Variants in RGS8 observed in about 807,000 individuals in gnomAD.
RGS8 encodes the protein regulator of G-protein signaling 8.
Under a neutral mutation model 21.7 loss-of-function variants are expected in RGS8, and 8 were observed. That is an observed-to-expected ratio of 0.37 (90% CI 0.22 to 0.66). The LOEUF is 0.66. Ranked by LOEUF, RGS8 falls within the 30% of genes least tolerant of loss-of-function variation. RGS8 has a pLI of 0.59. For synonymous variants in RGS8, 80 were observed against 83.6 expected (o/e 0.96, Z 0.24); for missense variants, 157 against 217.9 (o/e 0.72, Z 1.76).
chr1:182,684,922 TG>T (rs1216631819), upstream of RGS8, among the ~76,000 whole-genome samples: 4 of 152,240 alleles, frequency 2.6e-5, no homozygotes, highest in African/African-American at 9.6e-5. This position sits in a 1 kb window ranked among gnomAD's most constrained non-coding sequence, Gnocchi z 4.2. Flanking sequence ...AAGGTGAAAG[TG>T]GTTGCTTTAT....
At chr1:182,656,757 A>G (rs1015294954) in intron 5 of RGS8, among the ~76,000 whole-genome samples, 1 of 152,170 alleles carries the variant, frequency 6.6e-6, no homozygotes, top group Non-Finnish European at 1.5e-5. Flanking sequence ...GCCCTCCCTC[A>G]TGGGCCCTTC....
chr1:182,702,637 G>C, the RGS8 span, among the ~76,000 whole-genome samples: 1 of 152,144 alleles, frequency 6.6e-6, no homozygotes, highest in African/African-American at 2.4e-5. Context: ...AGATCCAATC[G>C]TAAGTAAAAT....
the RGS8 span, among the ~76,000 whole-genome samples, chr1:182,722,835 G>C: frequency 6.6e-6 from 1 of 151,890 alleles, no homozygotes; most frequent in African/African-American, 2.4e-5. Flanking sequence ...AAAATTAGCC[G>C]GGCTTGGTTG....
At chr1:182,664,096 A>C (rs916233354) in intron 5 of RGS8, among the ~76,000 whole-genome samples, 1 of 152,238 alleles carries the variant, frequency 6.6e-6, no homozygotes. Context: ...TCAGACAAAT[A>C]AAATTAAACC....
chr1:182,711,877 TC>T, the RGS8 span, among the ~76,000 whole-genome samples: 2 of 152,310 alleles, frequency 1.3e-5, no homozygotes, highest in South Asian at 4.1e-4. Flanking sequence ...TCCTTTGCTT[TC>T]CACCATCCTA....
intron 5 of RGS8, among the ~76,000 whole-genome samples, chr1:182,656,387 G>T (rs1663279574): frequency 6.6e-6 from 1 of 152,160 alleles, no homozygotes; most frequent in South Asian, 2.1e-4. Flanking sequence ...GACACCTGCT[G>T]TCGCCTTCTC....
the RGS8 span, among the ~76,000 whole-genome samples, chr1:182,698,938 T>C: frequency 1.3e-5 from 2 of 152,224 alleles, no homozygotes; most frequent in African/African-American, 4.8e-5. Flanking sequence ...TGGAGTTACA[T>C]ATATTCAGCA....
At chr1:182,649,686 C>A (rs1662901834) in intron 5 of RGS8, among the ~76,000 whole-genome samples, 1 of 151,870 alleles carries the variant, frequency 6.6e-6, no homozygotes, top group Non-Finnish European at 1.5e-5. Flanking sequence ...GCTTATGCAT[C>A]CAGTTAATGT....
chr1:182,672,873 G>T (rs753543899), upstream of RGS8: 10 of 1,613,208 alleles, frequency 6.2e-6, no homozygotes, highest in Non-Finnish European at 7.6e-6. Context: ...CTCTCTTCCT[G>T]CTTGCCCTAG....
chr1:182,742,131 T>C, the RGS8 span, among the ~76,000 whole-genome samples: 3 of 145,144 alleles, frequency 2.1e-5, no homozygotes, highest in African/African-American at 2.6e-5. Context: ...TCCCCACATC[T>C]CAGACGATGG....
intron 1 of RGS8, 98 bp from the exon 3 acceptor site, chr1:182,671,828 A>C: frequency 1.9e-6 from 3 of 1,594,942 alleles, no homozygotes; most frequent in Non-Finnish European, 2.6e-6. Flanking sequence ...ACATATACAC[A>C]CACAGGCATG....
chr1:182,741,386 G>T, the RGS8 span, among the ~76,000 whole-genome samples: 8 of 134,116 alleles, frequency 6.0e-5, no homozygotes, highest in Admixed American at 4.2e-4. Context: ...CCTCCCGGAC[G>T]GGGCGGCTGG....
chr1:182,752,246 G>A, the RGS8 span, among the ~76,000 whole-genome samples: 1 of 152,140 alleles, frequency 6.6e-6, no homozygotes, highest in African/African-American at 2.4e-5. Flanking sequence ...ATTCCTGAGG[G>A]GTTACCTTAC....
At chr1:182,708,948 G>T in the RGS8 span, among the ~76,000 whole-genome samples, 1 of 152,196 alleles carries the variant, frequency 6.6e-6, no homozygotes, top group Non-Finnish European at 1.5e-5. Context: ...GATGACCTGT[G>T]CGGCCTGCCA....
At chr1:182,731,255 A>G in the RGS8 span, among the ~76,000 whole-genome samples, 1 of 152,134 alleles carries the variant, frequency 6.6e-6, no homozygotes. Context: ...GCCCTCACAA[A>G]CTTAGCTATG....
At chr1:182,651,923 T>A (rs1231073247) in intron 5 of RGS8, among the ~76,000 whole-genome samples, 1 of 152,236 alleles carries the variant, frequency 6.6e-6, no homozygotes, top group African/African-American at 2.4e-5. Flanking sequence ...GGGGGGACTC[T>A]GAGCAGTGAC....
At chr1:182,697,109 A>T in the RGS8 span, among the ~76,000 whole-genome samples, 1 of 152,234 alleles carries the variant, frequency 6.6e-6, no homozygotes, top group Non-Finnish European at 1.5e-5. Flanking sequence ...TTTACTGGCC[A>T]ACCCAAGCCA....
the RGS8 span, among the ~76,000 whole-genome samples, chr1:182,728,337 AGC>A: frequency 6.6e-6 from 1 of 152,252 alleles, no homozygotes; most frequent in Non-Finnish European, 1.5e-5. Context: ...TGCTCCTGAT[AGC>A]GTCAGAGTAC....
chr1:182,725,143 T>G, the RGS8 span, among the ~76,000 whole-genome samples: 3 of 152,170 alleles, frequency 2.0e-5, no homozygotes, highest in Non-Finnish European at 4.4e-5. Context: ...TGGTCTGTTT[T>G]GGGATCTACT....
Sources: gnomAD v4.1 joint callset for allele counts (sites outside exome capture counted in the v4.1 genomes callset) on GRCh38, gnomAD v4.1.1 for gene constraint, Gnocchi (gnomAD v3.1) non-coding constraint, MANE v1.5 for transcripts, NCBI Gene and HGNC (gene_info 2026-07-23, HGNC 2026-07-21) for gene names.